Variants in ADAM22 observed in about 807,000 individuals in gnomAD.
The protein encoded by ADAM22 is disintegrin and metalloproteinase domain-containing protein 22.
In ADAM22, 65 loss-of-function variants were observed where a neutral mutation model predicts 144.6. That is an observed-to-expected ratio of 0.45 (90% CI 0.37 to 0.55). The LOEUF (loss-of-function observed/expected upper bound fraction) is 0.55. ADAM22 is among the 20% of genes least tolerant of loss of function. The pLI is 0.00. For synonymous variants in ADAM22, 391 were observed against 412.6 expected (o/e 0.95, Z 0.63); for missense variants, 974 against 1,184.9 (o/e 0.82, Z 2.61).
rs972012743 is a variant in ADAM22 at position 88,197,224 on chromosome 7, CAA to C, written c.*735_*736del. The C allele has an allele frequency of 6.6e-6, 1 of 152,304 alleles. No homozygotes were observed. Among genetic ancestry groups the C allele is most frequent in the African/African-American group, 2.4e-5 (1 of 41,456 alleles). The allele number at this position is 152,304 out of a possible 1,614,324, so 9.4% of individuals were successfully genotyped here. ...TCATCGTCATCCATCCAGTGATCTT[CAA>C]AGACTATAAGCAGGTAATGTAAATA... On this transcript the variant is annotated 3_prime_UTR_variant, in exon 32 of 32. Coordinates refer to ENST00000413139, the MANE Select transcript of ADAM22 (RefSeq NM_001324418.2).
At chr7:88,055,220 A>T (rs1807875941) in intron 3 of ADAM22, among the ~76,000 whole-genome samples, 2 of 152,108 alleles carry the variant, frequency 1.3e-5, no homozygotes, top group Admixed American at 1.3e-4. Context: ...CTGAGAGGGA[A>T]GGAAGCTGAA....
chr7:88,112,089 A>C (rs1585828228), intron 5 of ADAM22, among the ~76,000 whole-genome samples: 1 of 152,216 alleles, frequency 6.6e-6, no homozygotes, highest in Non-Finnish European at 1.5e-5. Context: ...GTTCTCAGCA[A>C]GGGTAGAGAG....
intron 3 of ADAM22, among the ~76,000 whole-genome samples, chr7:88,010,029 CTT>C (rs76466800): frequency 1.3e-5 from 2 of 149,528 alleles, no homozygotes; most frequent in South Asian, 2.1e-4. Context: ...GAATTTCTCT[CTT>C]TTTTTTTTTC....
At chr7:88,139,402 G>A (rs1038092933) in intron 14 of ADAM22, among the ~76,000 whole-genome samples, 4 of 151,284 alleles carry the variant, frequency 2.6e-5, no homozygotes, top group African/African-American at 9.7e-5. Flanking sequence ...TGGGTGACAA[G>A]AGTGAGACTC....
intron 2 of ADAM22, among the ~76,000 whole-genome samples, chr7:87,950,027 G>C (rs1332239174): frequency 6.6e-6 from 1 of 151,794 alleles, no homozygotes; most frequent in Non-Finnish European, 1.5e-5. Flanking sequence ...TCATATACTA[G>C]TTTAAATCAG....
chr7:88,130,309 T>C, intron 9 of ADAM22, 79 bp from the exon 10 acceptor site: 1 of 1,108,410 alleles, frequency 9.0e-7, no homozygotes, highest in Non-Finnish European at 1.3e-6. Flanking sequence ...GATCTTTCAA[T>C]TGCACCATGT....
chr7:88,017,074 G>A (rs1280032721), intron 3 of ADAM22, among the ~76,000 whole-genome samples: 3 of 152,052 alleles, frequency 2.0e-5, no homozygotes, highest in Admixed American at 1.3e-4. Context: ...AGCTATGAGC[G>A]CACCACTGTA....
At chr7:87,954,902 T>TA (rs1415875012) in intron 2 of ADAM22, among the ~76,000 whole-genome samples, 1 of 152,244 alleles carries the variant, frequency 6.6e-6, no homozygotes, top group African/African-American at 2.4e-5. Context: ...CCATCACTGA[T>TA]ACCCTTTCTT....
chr7:88,174,980 CA>C (rs1345698344), intron 26 of ADAM22, among the ~76,000 whole-genome samples: 2 of 152,052 alleles, frequency 1.3e-5, no homozygotes, highest in African/African-American at 4.8e-5. Context: ...AGTAAAGTAG[CA>C]ATTTAATAAG....
intron 5 of ADAM22, among the ~76,000 whole-genome samples, chr7:88,113,195 T>C (rs1563243641): frequency 6.8e-6 from 1 of 147,874 alleles, no homozygotes; most frequent in Non-Finnish European, 1.5e-5. Flanking sequence ...TTAAATGACA[T>C]GTCCATTTTT....
intron 3 of ADAM22, among the ~76,000 whole-genome samples, chr7:88,064,248 A>C (rs1000318898): frequency 1.3e-5 from 2 of 152,168 alleles, no homozygotes; most frequent in Non-Finnish European, 2.9e-5. Context: ...TAGACAAATG[A>C]AAAGAGAAGA....
At chr7:87,994,383 G>A (rs1172143024) in intron 3 of ADAM22, among the ~76,000 whole-genome samples, 2 of 152,032 alleles carry the variant, frequency 1.3e-5, no homozygotes, top group Admixed American at 6.6e-5. Flanking sequence ...GGATGGTCTC[G>A]ATCTCCTGAC....
intron 6 of ADAM22, 137 bp from the exon 7 acceptor site, chr7:88,116,608 A>G: frequency 1.6e-6 from 1 of 641,790 alleles, no homozygotes; most frequent in Non-Finnish European, 2.7e-6. Context: ...GGGTTGGGCA[A>G]TGGTTCATCA....
intron 7 of ADAM22, among the ~76,000 whole-genome samples, chr7:88,120,183 TA>T (rs1828907965): frequency 2.0e-5 from 3 of 151,950 alleles, no homozygotes; most frequent in African/African-American, 7.2e-5. Context: ...AATATATATA[TA>T]TTTTTTATTA....
At chr7:87,949,030 A>G (rs1220717663) in intron 2 of ADAM22, among the ~76,000 whole-genome samples, 1 of 152,202 alleles carries the variant, frequency 6.6e-6, no homozygotes, top group East Asian at 1.9e-4. Flanking sequence ...AAGAGTTACA[A>G]TATTTATTTT....
At chr7:88,078,067 G>A (rs1815195338) in intron 4 of ADAM22, among the ~76,000 whole-genome samples, 2 of 152,198 alleles carry the variant, frequency 1.3e-5, no homozygotes, top group Non-Finnish European at 2.9e-5. Flanking sequence ...TGTGACCCCC[G>A]AGTAGCCTAA....
At chr7:87,981,246 T>C (rs550064029) in intron 3 of ADAM22, among the ~76,000 whole-genome samples, 1 of 152,262 alleles carries the variant, frequency 6.6e-6, no homozygotes, top group South Asian at 2.1e-4. Context: ...TGATGTGAAA[T>C]ATATAACAAT....
chr7:88,196,511 A>G lies in ADAM22; in HGVS notation c.*20A>G. ...ATTTAAGATCAACTGTTTACATGTG[A>G]TACATCGAAAACTGTTTACTTCAAC... On this transcript the variant is annotated 3_prime_UTR_variant, in exon 32 of 32. Coordinates refer to ENST00000413139, the MANE Select transcript of ADAM22 (RefSeq NM_001324418.2). The G allele has an allele frequency of 1.2e-6, 2 of 1,613,824 alleles. No homozygotes were observed. The highest frequency in any genetic ancestry group is 1.7e-6 in the Non-Finnish European group (2 of 1,179,826).
chr7:88,079,014 C>A (rs567035312), intron 4 of ADAM22, among the ~76,000 whole-genome samples: 2 of 151,976 alleles, frequency 1.3e-5, no homozygotes, highest in Non-Finnish European at 2.9e-5. Context: ...AGATACTGCT[C>A]GAGAAGAGCA....
Sources: gnomAD v4.1 joint callset for allele counts (sites outside exome capture counted in the v4.1 genomes callset) on GRCh38, gnomAD v4.1.1 for gene constraint, MANE v1.5 for transcripts, NCBI Gene and HGNC (gene_info 2026-07-23, HGNC 2026-07-21) for gene names.